TTC34: variants seen among roughly 807,000 people sequenced by gnomAD.
TTC34 encodes the protein tetratricopeptide repeat protein 34.
A neutral mutation model predicts 40.7 loss-of-function variants in TTC34; 44 were observed. The ratio of observed to expected loss-of-function variants is 1.08; its 90% confidence interval spans 0.85 to 1.39. The LOEUF (loss-of-function observed/expected upper bound fraction) is 1.39. TTC34 is among the 40% of genes most tolerant of loss of function. TTC34 has a pLI of 0.00. For synonymous variants in TTC34, 422 were observed against 398.6 expected (o/e 1.06, Z -0.70); for missense variants, 884 against 838.0 (o/e 1.05, Z -0.68).
chr1:2,771,567 C>G (rs1343026997), intron 6 of TTC34, among the ~76,000 whole-genome samples: 1 of 67,654 alleles, frequency 1.5e-5, no homozygotes, highest in Non-Finnish European at 2.6e-5. Context: ...CACACAACCC[C>G]AGGCGAGCAT....
chr1:2,786,565 T>C (rs1569963563), intron 4 of TTC34, among the ~76,000 whole-genome samples: 1 of 152,122 alleles, frequency 6.6e-6, no homozygotes, highest in Admixed American at 6.5e-5. Context: ...GCCTAGGACT[T>C]CTCCATCCCA....
intron 8 of TTC34, among the ~76,000 whole-genome samples, chr1:2,643,916 C>G (rs371561883): frequency 1.2e-4 from 18 of 152,256 alleles, no homozygotes; most frequent in African/African-American, 4.3e-4. Context: ...CGTGCCTTCT[C>G]CCGGCCTGCC....
chr1:2,784,296 C>A (rs1010260100), intron 5 of TTC34, among the ~76,000 whole-genome samples: 5 of 152,160 alleles, frequency 3.3e-5, no homozygotes, highest in African/African-American at 1.2e-4. Flanking sequence ...AAGATCAAAG[C>A]CTTTAAGACT....
intron 6 of TTC34, among the ~76,000 whole-genome samples, chr1:2,753,407 C>A (rs1641393130): frequency 7.8e-6 from 1 of 128,226 alleles, no homozygotes; most frequent in African/African-American, 3.3e-5. Context: ...CATGTAACAG[C>A]ACCCACACCC....
At chr1:2,686,561 C>A (rs368629857) in intron 6 of TTC34, among the ~76,000 whole-genome samples, 1 of 139,524 alleles carries the variant, frequency 7.2e-6, no homozygotes, top group East Asian at 2.1e-4. Context: ...AGCACGCACA[C>A]ACCCAGGTGA....
intron 6 of TTC34, among the ~76,000 whole-genome samples, chr1:2,783,252 C>T (rs977370243): frequency 6.6e-6 from 1 of 152,216 alleles, no homozygotes; most frequent in Non-Finnish European, 1.5e-5. Flanking sequence ...GGGGGCCAGG[C>T]AGCCTCACCA....
At chr1:2,688,334 A>G (rs1640466793) in intron 6 of TTC34, among the ~76,000 whole-genome samples, 1 of 147,236 alleles carries the variant, frequency 6.8e-6, no homozygotes, top group Non-Finnish European at 1.5e-5. Context: ...CCACACCCCC[A>G]GGTGAGCATC....
chr1:2,686,789 A>AACT (rs1640376416), intron 6 of TTC34, among the ~76,000 whole-genome samples: 1 of 141,306 alleles, frequency 7.1e-6, no homozygotes, highest in Non-Finnish European at 1.5e-5. Context: ...GACAGCCTGG[A>AACT]TCAGCACCCA....
chr1:2,790,986 A>C (rs1048907880), intron 2 of TTC34, among the ~76,000 whole-genome samples: 3 of 152,130 alleles, frequency 2.0e-5, no homozygotes, highest in African/African-American at 7.2e-5. Context: ...CTGCACTATA[A>C]TGGGTTATAA....
intron 2 of TTC34, among the ~76,000 whole-genome samples, chr1:2,799,714 C>T (rs922208036): frequency 6.6e-6 from 1 of 152,158 alleles, no homozygotes; most frequent in Non-Finnish European, 1.5e-5. Flanking sequence ...CCCTCAGTGG[C>T]AGGGGGAGCC....
chr1:2,793,044 A>G (rs1051929647), intron 2 of TTC34, among the ~76,000 whole-genome samples: 1 of 152,260 alleles, frequency 6.6e-6, no homozygotes, highest in African/African-American at 2.4e-5. Context: ...AAGCTATTCC[A>G]CAGTGACTTG....
Position 2,643,148 on chromosome 1 carries a change from G to A in TTC34, c.2712+1116C>T, listed in dbSNP as rs146547786. Among the ~76,000 whole-genome samples the A allele has an allele frequency of 9.5e-3, 1,451 of 152,272 alleles. 66 individuals carry two copies. Among genetic ancestry groups the A allele is most frequent in the Admixed American group, 0.072 (1,107 of 15,302 alleles). Reference sequence around the variant, plus strand: ...CCCCCAGGCCGCCCCAGTGGGGAAGGGCGCTCAATCCGACCCCAGACTCCC... The same window carrying A: ...CCCCCAGGCCGCCCCAGTGGGGAAGAGCGCTCAATCCGACCCCAGACTCCC... On this transcript the variant is annotated intron_variant, in intron 8 of 8. Transcript: ENST00000401095.
rs116745169 is a variant in TTC34 at position 2,799,115 on chromosome 1, C to T, written c.784+929G>A. 6.7e-3 allele frequency among the ~76,000 whole-genome samples: 1,013 copies of T among 150,784 alleles called. 17 individuals are homozygous for T. The highest frequency in any genetic ancestry group is 0.023 in the African/African-American group (933 of 40,916). ...CCAGACTTCCAGCCTCTCAGCCTCCCGGCCTCCCGGCCTCCCAGCCTCCCA... is the reference window on the plus strand; with the variant it reads ...CCAGACTTCCAGCCTCTCAGCCTCCTGGCCTCCCGGCCTCCCAGCCTCCCA... On this transcript the variant is annotated intron_variant, in intron 2 of 8. Transcript: ENST00000401095.
intron 6 of TTC34, among the ~76,000 whole-genome samples, chr1:2,700,355 C>A (rs577007892): frequency 8.5e-6 from 1 of 117,914 alleles, no homozygotes; most frequent in South Asian, 2.5e-4. Flanking sequence ...ATCCGACAGC[C>A]TGGAGCAGCG....
At chr1:2,684,472 C>T (rs1273963223) in intron 6 of TTC34, among the ~76,000 whole-genome samples, 4 of 150,006 alleles carry the variant, frequency 2.7e-5, no homozygotes, top group Non-Finnish European at 4.4e-5. Flanking sequence ...CAACAGCACC[C>T]ACACACCCAG....
intron 6 of TTC34, among the ~76,000 whole-genome samples, chr1:2,751,496 A>T (rs1377666189): frequency 1.8e-5 from 1 of 56,062 alleles, no homozygotes; most frequent in Admixed American, 2.3e-4. Context: ...TGCCCAGGTG[A>T]GCCTCTGACA....
chr1:2,699,060 AG>A (rs1423675685), intron 6 of TTC34, among the ~76,000 whole-genome samples: 1 of 144,894 alleles, frequency 6.9e-6, no homozygotes, highest in African/African-American at 2.5e-5. Flanking sequence ...ACCACAGGTG[AG>A]CATCGGAGAG....
At chr1:2,675,204 C>G (rs1639859333) in intron 6 of TTC34, among the ~76,000 whole-genome samples, 1 of 149,360 alleles carries the variant, frequency 6.7e-6, no homozygotes. Flanking sequence ...CCGACAACCC[C>G]AGGTGAGCAT....
chr1:2,751,328 C>A (rs1442498976), intron 6 of TTC34, among the ~76,000 whole-genome samples: 46 of 38,766 alleles, frequency 1.2e-3, no homozygotes, highest in African/African-American at 2.3e-3. Flanking sequence ...AACAAACACC[C>A]CCAGGCGAGC....
Sources: gnomAD v4.1 joint callset for allele counts (sites outside exome capture counted in the v4.1 genomes callset) on GRCh38, gnomAD v4.1.1 for gene constraint, MANE v1.5 for transcripts, NCBI Gene and HGNC (gene_info 2026-07-23, HGNC 2026-07-21) for gene names.